The following DYM variants were observed in gnomAD, a reference collection of about 807,000 sequenced individuals.
DYM encodes the protein dymeclin.
A neutral mutation model predicts 93.1 loss-of-function variants in DYM; 78 were observed. That is an observed-to-expected ratio of 0.84 (90% CI 0.70 to 1.01). The LOEUF is 1.01. Among genes scored for constraint, DYM ranks in the 50% least tolerant of loss-of-function variants. The pLI is 0.00. For synonymous variants in DYM, 321 were observed against 319.7 expected (o/e 1.00, Z -0.04); for missense variants, 789 against 845.0 (o/e 0.93, Z 0.82).
At chr18:49,357,538 C>T (rs185750569) in intron 6 of DYM, among the ~76,000 whole-genome samples, 1 of 152,250 alleles carries the variant, frequency 6.6e-6, no homozygotes, top group Non-Finnish European at 1.5e-5. Context: ...TTACAATGTG[C>T]CAACTACAAA....
intron 11 of DYM, among the ~76,000 whole-genome samples, chr18:49,265,982 A>T (rs983141083): frequency 6.6e-6 from 1 of 151,788 alleles, no homozygotes; most frequent in Non-Finnish European, 1.5e-5. Context: ...TGGAAATGTT[A>T]TAAGTTTTGA....
chr18:49,184,761 T>G (rs1568559711), intron 14 of DYM, among the ~76,000 whole-genome samples: 1 of 152,170 alleles, frequency 6.6e-6, no homozygotes, highest in African/African-American at 2.4e-5. Context: ...ACTTACGAAT[T>G]TTCTATTTCT....
At position 49,041,761 on chromosome 18, in the gene DYM, A is replaced by T. The variant is rs1185781893; in HGVS notation, c.*2294T>A. On this transcript the variant is annotated 3_prime_UTR_variant, in exon 18 of 18. Transcript: ENST00000675505. Reference sequence around the variant, plus strand: ...CTCAGTGAGCCCAGAGGCCTGGAGGAGAGGCTGTATGATTCCCCAGTCAGG... The same window carrying T: ...CTCAGTGAGCCCAGAGGCCTGGAGGTGAGGCTGTATGATTCCCCAGTCAGG... 4 of 152,224 alleles carry T rather than the reference A, an allele frequency of 2.6e-5. No homozygotes were observed. Among genetic ancestry groups the T allele is most frequent in the African/African-American group, 9.6e-5 (4 of 41,464 alleles). The allele number at this position is 152,224 out of a possible 1,614,324, so 9.4% of individuals were successfully genotyped here.
chr18:49,403,371 C>T (rs954077484), intron 2 of DYM, among the ~76,000 whole-genome samples: 6 of 152,156 alleles, frequency 3.9e-5, no homozygotes, highest in Admixed American at 3.3e-4. Flanking sequence ...CATCCTTGTT[C>T]ACACCTAGGA....
At chr18:49,327,594 C>T (rs1174144455) in intron 8 of DYM, among the ~76,000 whole-genome samples, 4 of 152,000 alleles carry the variant, frequency 2.6e-5, no homozygotes, top group African/African-American at 7.3e-5. Flanking sequence ...TGAGCTCAAG[C>T]GATCCACCCA....
At chr18:49,283,659 A>G (rs1311951120) in intron 9 of DYM, among the ~76,000 whole-genome samples, 1 of 152,234 alleles carries the variant, frequency 6.6e-6, no homozygotes, top group Non-Finnish European at 1.5e-5. Flanking sequence ...ATGGTAGCAC[A>G]AAGAGCTAAT....
intron 5 of DYM, 124 bp downstream of exon 5, chr18:49,378,443 G>C: frequency 1.1e-6 from 1 of 935,396 alleles, no homozygotes. Flanking sequence ...GACAGTATAA[G>C]TTCATTTTAA....
At chr18:49,454,786 T>G (rs1424566877) in intron 1 of DYM, among the ~76,000 whole-genome samples, 1 of 151,244 alleles carries the variant, frequency 6.6e-6, no homozygotes, top group African/African-American at 2.4e-5. Context: ...CCGGCGCCTG[T>G]AGTCCCAGCT....
chr18:49,340,395 A>G (rs1449914664), intron 6 of DYM, among the ~76,000 whole-genome samples: 1 of 152,258 alleles, frequency 6.6e-6, no homozygotes, highest in African/African-American at 2.4e-5. Flanking sequence ...TTAAAAATAC[A>G]TGTACACATA....
At chr18:49,191,825 C>G (rs2091000292) in intron 14 of DYM, among the ~76,000 whole-genome samples, 1 of 152,060 alleles carries the variant, frequency 6.6e-6, no homozygotes, top group Non-Finnish European at 1.5e-5. Context: ...CTAATGAAAT[C>G]ATACTATTAT....
At chr18:49,349,139 C>T (rs1317306080) in intron 6 of DYM, among the ~76,000 whole-genome samples, 4 of 151,348 alleles carry the variant, frequency 2.6e-5, no homozygotes, top group East Asian at 3.9e-4. Context: ...ACCTGGGAGG[C>T]GGAGGTTGCA....
chr18:49,352,422 C>T (rs941369519), intron 6 of DYM, among the ~76,000 whole-genome samples: 1 of 152,012 alleles, frequency 6.6e-6, no homozygotes, highest in Admixed American at 6.5e-5. Context: ...AAGGAAAAAA[C>T]ACAAAAAGCT....
At chr18:49,283,380 A>T (rs557014995) in intron 9 of DYM, among the ~76,000 whole-genome samples, 1 of 152,188 alleles carries the variant, frequency 6.6e-6, no homozygotes, top group Non-Finnish European at 1.5e-5. Flanking sequence ...ATAAAATAAA[A>T]TATAATCTCC....
At chr18:49,080,211 G>A (rs1461643295) in intron 17 of DYM, among the ~76,000 whole-genome samples, 1 of 111,028 alleles carries the variant, frequency 9.0e-6, no homozygotes, top group Admixed American at 8.7e-5. Flanking sequence ...GTGGGGGGCT[G>A]ACCCCCCAAC....
At chr18:49,055,509 TG>T (rs1384933956) in intron 17 of DYM, among the ~76,000 whole-genome samples, 2 of 152,106 alleles carry the variant, frequency 1.3e-5, no homozygotes, top group Non-Finnish European at 2.9e-5. Flanking sequence ...AGGTAGGAGA[TG>T]GGGGCAAAAG....
chr18:49,333,665 A>G, intron 7 of DYM, 63 bp downstream of exon 7: 1 of 1,544,890 alleles, frequency 6.5e-7, no homozygotes, highest in East Asian at 2.3e-5. Flanking sequence ...AGGTAAAAGG[A>G]CAAGACTAGA....
intron 13 of DYM, among the ~76,000 whole-genome samples, chr18:49,216,712 A>G (rs2093068805): frequency 6.6e-6 from 1 of 152,140 alleles, no homozygotes; most frequent in Non-Finnish European, 1.5e-5. Flanking sequence ...TAGAAGGAAA[A>G]CTAACAAACA....
intron 17 of DYM, 26 bp downstream of exon 17, chr18:49,097,376 A>C: frequency 6.2e-7 from 1 of 1,603,742 alleles, no homozygotes; most frequent in Non-Finnish European, 8.5e-7. Flanking sequence ...GGCAGTGTCA[A>C]GTGGACATTT....
At chr18:49,369,929 T>A (rs1191810029) in intron 5 of DYM, among the ~76,000 whole-genome samples, 1 of 152,146 alleles carries the variant, frequency 6.6e-6, no homozygotes, top group African/African-American at 2.4e-5. Context: ...GCTGCCTCCC[T>A]CCCCTCAGTG....
Sources: allele counts gnomAD v4.1 joint callset (sites outside exome capture counted in the v4.1 genomes callset), GRCh38; gene constraint gnomAD v4.1.1; transcripts MANE v1.5; gene names NCBI Gene and HGNC (gene_info 2026-07-23, HGNC 2026-07-21).